Variants in CELF4 observed in about 807,000 individuals in gnomAD.
The protein encoded by CELF4 is CUGBP Elav-like family member 4.
CELF4 carries 18 observed loss-of-function variants against 59.9 expected under a neutral mutation model. That is an observed-to-expected ratio of 0.30 (90% CI 0.21 to 0.45). CELF4 has a LOEUF of 0.45. Among genes scored for constraint, CELF4 ranks in the 20% least tolerant of loss-of-function variants. CELF4 has a pLI of 1.00. For synonymous variants in CELF4, 261 were observed against 267.1 expected, an observed-to-expected ratio of 0.98 and a Z score of 0.22; for missense variants, 456 against 689.0, an observed-to-expected ratio of 0.66 and a Z score of 3.79.
At position 37,298,516 on chromosome 18, in the gene CELF4, T is replaced by C. The variant is rs577634291; in HGVS notation, c.449-23273A>G. Among the ~76,000 whole-genome samples the C allele has an allele frequency of 1.2e-4, 18 of 152,076 alleles. 1 individual carries two copies. The South Asian group carries it at 3.8e-3, about 32-fold the overall frequency. On this transcript the variant is annotated intron_variant, in intron 3 of 12. Coordinates refer to ENST00000420428, the MANE Select transcript of CELF4 (RefSeq NM_020180.4). ...GGGTGGATCACTTGGGGTCAGGAGTTTGAGACCAGCCTGGGCAACATGGCG... is the reference window on the plus strand; with the variant it reads ...GGGTGGATCACTTGGGGTCAGGAGTCTGAGACCAGCCTGGGCAACATGGCG...
chr18:37,461,436 C>T (rs769843505), intron 2 of CELF4, among the ~76,000 whole-genome samples: 43 of 152,140 alleles, frequency 2.8e-4, no homozygotes, highest in Non-Finnish European at 5.6e-4. Context: ...GAGGGAAAAG[C>T]CCCTTATAAA....
chr18:37,256,875 G>C (rs1569030157), intron 11 of CELF4, among the ~76,000 whole-genome samples: 1 of 152,196 alleles, frequency 6.6e-6, no homozygotes, highest in Admixed American at 6.5e-5. Context: ...ATGAGCCACT[G>C]CACCCAGCCT....
chr18:37,385,953 T>C (rs926042498), intron 2 of CELF4, among the ~76,000 whole-genome samples: 2 of 152,260 alleles, frequency 1.3e-5, no homozygotes, highest in Non-Finnish European at 1.5e-5. Flanking sequence ...AGTGTGACAT[T>C]TATTGAAACT....
intron 2 of CELF4, among the ~76,000 whole-genome samples, chr18:37,435,150 G>A (rs2099686629): frequency 6.6e-6 from 1 of 152,144 alleles, no homozygotes; most frequent in African/African-American, 2.4e-5. Flanking sequence ...CACTTCCTAG[G>A]ACTCACTACT....
chr18:37,507,019 T>C (rs901978501), intron 1 of CELF4, among the ~76,000 whole-genome samples: 3 of 152,168 alleles, frequency 2.0e-5, no homozygotes, highest in Admixed American at 6.5e-5. Flanking sequence ...GCCAGAGAGA[T>C]GGAATTGTTG....
At chr18:37,288,620 G>A (rs1662928) in intron 3 of CELF4, among the ~76,000 whole-genome samples, 79,672 of 151,904 alleles carry the variant, frequency 0.52, 22,042 homozygotes, top group African/African-American at 0.7. Context: ...CACGCAGAAG[G>A]CATCCCCCTG....
intron 2 of CELF4, among the ~76,000 whole-genome samples, chr18:37,440,245 G>A (rs530075881): frequency 3.9e-5 from 6 of 152,302 alleles, no homozygotes; most frequent in South Asian, 4.1e-4. Context: ...GAGGGGGAAC[G>A]TGCTGGAACT....
chr18:37,339,873 G>C (rs928442135), intron 2 of CELF4, among the ~76,000 whole-genome samples: 4 of 152,122 alleles, frequency 2.6e-5, no homozygotes, highest in Non-Finnish European at 4.4e-5. Context: ...CAAAGGCAAG[G>C]GGAGAGGGTA....
At chr18:37,453,293 G>A (rs1363141612) in intron 2 of CELF4, among the ~76,000 whole-genome samples, 1 of 152,248 alleles carries the variant, frequency 6.6e-6, no homozygotes, top group African/African-American at 2.4e-5. Context: ...GAATGAATAT[G>A]ATAAGGCAGT....
chr18:37,269,899 C>A (rs1174548411), intron 8 of CELF4, among the ~76,000 whole-genome samples: 1 of 152,134 alleles, frequency 6.6e-6, no homozygotes, highest in Non-Finnish European at 1.5e-5. Context: ...CTTCTTGGGC[C>A]CCCCTTTCAC....
At chr18:37,502,293 G>A (rs889902958) in intron 1 of CELF4, among the ~76,000 whole-genome samples, 2 of 151,972 alleles carry the variant, frequency 1.3e-5, no homozygotes, top group Non-Finnish European at 2.9e-5. Context: ...CCATCCAGGC[G>A]GCTCTCCAAG....
intron 1 of CELF4, among the ~76,000 whole-genome samples, chr18:37,550,776 C>G (rs79385161): frequency 6.6e-6 from 1 of 152,210 alleles, no homozygotes; most frequent in Admixed American, 6.5e-5. Flanking sequence ...CCCTGCCTCA[C>G]GCTGGCTCCC....
intron 1 of CELF4, among the ~76,000 whole-genome samples, chr18:37,493,452 T>C (rs2099913095): frequency 6.6e-6 from 1 of 152,172 alleles, no homozygotes; most frequent in South Asian, 2.1e-4. Flanking sequence ...TTTCCCCCAG[T>C]GGCAGACAGC....
intron 2 of CELF4, among the ~76,000 whole-genome samples, chr18:37,470,646 A>T (rs764337760): frequency 3.3e-5 from 5 of 152,172 alleles, no homozygotes; most frequent in Non-Finnish European, 7.3e-5. Context: ...GGAGGGAAAC[A>T]TAATTGCAGA....
Position 37,434,392 on chromosome 18 carries a change from G to A in CELF4, c.369+51133C>T, listed in dbSNP as rs191162738. Among the ~76,000 whole-genome samples the A allele has an allele frequency of 3.8e-3, 576 of 152,220 alleles. 4 individuals carry two copies. Among genetic ancestry groups the A allele is most frequent in the African/African-American group, 0.013 (543 of 41,536 alleles). ...CACTGAAATTTGACTTCCAAGGACCGGAAGCCCAGAGCTAATTCTGCGGCT... is the reference window on the plus strand; with the variant it reads ...CACTGAAATTTGACTTCCAAGGACCAGAAGCCCAGAGCTAATTCTGCGGCT... On this transcript the variant is annotated intron_variant, in intron 2 of 12. Transcript: ENST00000420428.
chr18:37,252,896 C>T (rs960385698), intron 12 of CELF4, among the ~76,000 whole-genome samples: 2 of 151,888 alleles, frequency 1.3e-5, no homozygotes, highest in African/African-American at 4.8e-5. Flanking sequence ...GGGTGCTGAG[C>T]TGGAAAGGCC....
At chr18:37,319,979 G>A (rs1280406982) in intron 3 of CELF4, among the ~76,000 whole-genome samples, 1 of 152,202 alleles carries the variant, frequency 6.6e-6, no homozygotes, top group Non-Finnish European at 1.5e-5. Context: ...GCCCTGGCGG[G>A]GGGAAGGGTA....
At position 37,392,505 on chromosome 18, in the gene CELF4, A is replaced by G. The variant is rs369999907; in HGVS notation, c.370-70624T>C. Among the ~76,000 whole-genome samples, 399 of 152,276 alleles carry G rather than the reference A, an allele frequency of 2.6e-3. 4 individuals are homozygous for G. The highest frequency in any genetic ancestry group is 8.9e-3 in the African/African-American group (371 of 41,548). ...AAACCCAGAGCTGAGAGGAGCGGGG[A>G]AGAGGCAGCGCTCACTGCAAGGCCA... On this transcript the variant is annotated intron_variant, in intron 2 of 12. Transcript: ENST00000420428.
chr18:37,296,820 G>C (rs2095670138), intron 3 of CELF4, among the ~76,000 whole-genome samples: 1 of 152,176 alleles, frequency 6.6e-6, no homozygotes. Context: ...CTGTTGAACT[G>C]TCAGTCTCGG....
Sources: gnomAD v4.1 joint callset for allele counts (sites outside exome capture counted in the v4.1 genomes callset) on GRCh38, gnomAD v4.1.1 for gene constraint, MANE v1.5 for transcripts, NCBI Gene and HGNC (gene_info 2026-07-23, HGNC 2026-07-21) for gene names.